SEC63: variants seen among roughly 807,000 people sequenced by gnomAD.
SEC63 encodes SEC63 protein translocation regulator, also known as translocation protein SEC63 homolog.
A neutral mutation model predicts 116.2 loss-of-function variants in SEC63; 56 were observed. The ratio of observed to expected loss-of-function variants is 0.48; its 90% CI spans 0.39 to 0.60. The LOEUF (loss-of-function observed/expected upper bound fraction) is 0.60. Among genes scored for constraint, SEC63 ranks in the 20% least tolerant of loss-of-function variants. SEC63 has a pLI of 0.00. For synonymous variants in SEC63, 273 were observed against 294.6 expected, an observed-to-expected ratio of 0.93 and a Z score of 0.75; for missense variants, 668 against 900.0, an observed-to-expected ratio of 0.74 and a Z score of 3.30.
chr6:107,954,947 A>G (rs1197304057), intron 1 of SEC63, among the ~76,000 whole-genome samples: 2 of 152,394 alleles, frequency 1.3e-5, no homozygotes, highest in East Asian at 3.9e-4. Context: ...ATTTTGAGCA[A>G]GAGCAAACAA....
At chr6:107,912,607 C>A (rs989673475) in intron 6 of SEC63, 109 bp downstream of exon 6, 1 of 725,604 alleles carries the variant, frequency 1.4e-6, no homozygotes. Context: ...GAATGAATGG[C>A]ACACCAGTAT....
chr6:107,939,156 A>G (rs1403087618), intron 1 of SEC63, among the ~76,000 whole-genome samples: 4 of 151,596 alleles, frequency 2.6e-5, no homozygotes, highest in African/African-American at 4.9e-5. Context: ...GGTGGTACAC[A>G]CCTACAGTCC....
chr6:107,927,445 A>G (rs1409939354), intron 2 of SEC63, among the ~76,000 whole-genome samples: 1 of 152,134 alleles, frequency 6.6e-6, no homozygotes, highest in East Asian at 1.9e-4. Flanking sequence ...AGCATTACCC[A>G]ATTGTTTAAC....
chr6:107,949,177 A>T (rs1251899367), intron 1 of SEC63, among the ~76,000 whole-genome samples: 2 of 152,254 alleles, frequency 1.3e-5, no homozygotes, highest in Non-Finnish European at 2.9e-5. Context: ...CACAATGTAT[A>T]AAGATGTAAT....
rs573383263 is a variant in SEC63, at chr6:107,891,970, C to G, written c.1674+1512G>C. On this transcript the variant is annotated intron_variant, in intron 16 of 20. Transcript: ENST00000369002. ...GGCACTCGCCAGATGCCAGCCAGAG[C>G]TCTCCTGTATGAGCTGTCTCTTGTG... Among the ~76,000 whole-genome samples, 176 of 152,322 alleles carry G rather than the reference C, an allele frequency of 1.2e-3. 2 individuals are homozygous for G. The highest frequency in any genetic ancestry group is 4.1e-3 in the African/African-American group (170 of 41,576).
At chr6:107,916,850 C>G (rs1358364118) in intron 4 of SEC63, among the ~76,000 whole-genome samples, 1 of 152,186 alleles carries the variant, frequency 6.6e-6, no homozygotes, top group Non-Finnish European at 1.5e-5. Context: ...CCCCATCTCT[C>G]TCCCACTCCT....
chr6:107,941,755 C>G (rs1223428752), intron 1 of SEC63, among the ~76,000 whole-genome samples: 2 of 152,228 alleles, frequency 1.3e-5, no homozygotes, highest in African/African-American at 4.8e-5. Context: ...GAGCTTCACT[C>G]AATTAGAGGG....
Position 107,958,067 on chromosome 6 carries a change from C to T in SEC63, c.-58G>A, listed in dbSNP as rs1770750326. On this transcript the variant is annotated 5_prime_UTR_variant, in exon 1 of 21. The change creates a new upstream start codon in the 5' untranslated region. Coordinates refer to ENST00000369002, the MANE Select transcript of SEC63 (RefSeq NM_007214.5). ...GCCGCCGCCACGACCACGCTCTGCACTCCCGCTCCCAACGCCCCGGCCCGA... is the reference window on the plus strand; with the variant it reads ...GCCGCCGCCACGACCACGCTCTGCATTCCCGCTCCCAACGCCCCGGCCCGA... The T allele has an allele frequency of 6.2e-7, 1 of 1,600,058 alleles. No individual in the cohort carries two copies. Among genetic ancestry groups the T allele is most frequent in the Non-Finnish European group, 8.5e-7 (1 of 1,170,992 alleles).
intron 13 of SEC63, 147 bp downstream of exon 13, chr6:107,901,223 G>A (rs909632991): frequency 5.1e-6 from 4 of 788,564 alleles, no homozygotes; most frequent in Non-Finnish European, 8.6e-6. Flanking sequence ...TTCCAACATA[G>A]TAAATCTGAC....
chr6:107,915,411 T>C (rs1787376185), intron 4 of SEC63, among the ~76,000 whole-genome samples: 1 of 152,132 alleles, frequency 6.6e-6, no homozygotes, highest in Admixed American at 6.5e-5. Context: ...CAAGTGACCA[T>C]GAGTTGGCTA....
chr6:107,937,735 T>C (rs944706620), intron 1 of SEC63, among the ~76,000 whole-genome samples: 3 of 152,202 alleles, frequency 2.0e-5, no homozygotes, highest in African/African-American at 7.2e-5. Context: ...ATAGCCATTC[T>C]GACTGGTATG....
chr6:107,899,326 G>C (rs1459565951), intron 13 of SEC63, among the ~76,000 whole-genome samples: 1 of 152,142 alleles, frequency 6.6e-6, no homozygotes, highest in Non-Finnish European at 1.5e-5. Context: ...AGATGCTATG[G>C]AGTGGATCCA....
intron 5 of SEC63, 81 bp downstream of exon 5, chr6:107,913,282 AAAT>A (rs1163663395): frequency 2.3e-5 from 21 of 931,858 alleles, no homozygotes; most frequent in Admixed American, 1.8e-5. Context: ...TTTAGTAAGA[AAAT>A]AATATTATTC....
At chr6:107,879,721 TA>T (rs1786367688) in intron 18 of SEC63, among the ~76,000 whole-genome samples, 1 of 102,044 alleles carries the variant, frequency 9.8e-6, no homozygotes, top group Admixed American at 1.6e-4. Context: ...AAATGATTTT[TA>T]TCTTTTTTTT....
At chr6:107,883,332 T>C in intron 16 of SEC63, 186 bp from the exon 17 acceptor site, 1 of 624,074 alleles carries the variant, frequency 1.6e-6, no homozygotes, top group Non-Finnish European at 2.7e-6. Context: ...GACTAAAGAG[T>C]TTAATATCTG....
Position 107,868,583 on chromosome 6 carries a change from A to G in SEC63, c.*3121T>C, listed in dbSNP as rs1197471585. The G allele has an allele frequency of 6.6e-6, 1 of 152,178 alleles. No individual in the cohort carries two copies. The highest frequency in any genetic ancestry group is 2.4e-5 in the African/African-American group (1 of 41,416). The allele number at this position is 152,178 out of a possible 1,614,324, so 9.4% of individuals were successfully genotyped here. ...GAGGACAGAGCGAGACTCCGTCTTA[A>G]GAAGAAAAAGAGAAAGAGAGAAAAA... On this transcript the variant is annotated 3_prime_UTR_variant, in exon 21 of 21. Transcript: ENST00000369002.
intron 1 of SEC63, among the ~76,000 whole-genome samples, chr6:107,953,901 C>T (rs1276249507): frequency 6.7e-6 from 1 of 149,186 alleles, no homozygotes; most frequent in African/African-American, 2.5e-5. Flanking sequence ...GGGCGCCTCT[C>T]CTCAGCCGCC....
At chr6:107,893,333 CACTG>C (rs1331074736) in intron 16 of SEC63, 145 bp downstream of exon 16, 16 of 696,320 alleles carry the variant, frequency 2.3e-5, no homozygotes, top group South Asian at 5.3e-5. Flanking sequence ...ATGAAGGGCT[CACTG>C]ACTGAGAAGA....
intron 1 of SEC63, chr6:107,957,641 G>A (rs1311399950): frequency 6.1e-6 from 2 of 327,732 alleles, no homozygotes. Context: ...TGCAAGGAGC[G>A]TCCACAACAA....
Sources: gnomAD v4.1 joint callset for allele counts (sites outside exome capture counted in the v4.1 genomes callset) on GRCh38, gnomAD v4.1.1 for gene constraint, MANE v1.5 for transcripts, NCBI Gene and HGNC (gene_info 2026-07-23, HGNC 2026-07-21) for gene names.